The following ARB2A variants were observed in gnomAD, a reference collection of about 807,000 sequenced individuals.
The protein encoded by ARB2A is ARB2 cotranscriptional regulator A.
At chr5:93,854,889 A>G in the ARB2A span, among the ~76,000 whole-genome samples, 1 of 152,124 alleles carries the variant, frequency 6.6e-6, no homozygotes, top group African/African-American at 2.4e-5. Flanking sequence ...TATGTGGTCA[A>G]TTTTGGAATA....
At chr5:94,032,241 A>G in the ARB2A span, among the ~76,000 whole-genome samples, 2 of 152,204 alleles carry the variant, frequency 1.3e-5, no homozygotes, top group Non-Finnish European at 2.9e-5. Context: ...TAATTGGCTC[A>G]TGGTTCTTCA....
At chr5:93,634,348 C>T in the ARB2A span, among the ~76,000 whole-genome samples, 1 of 151,090 alleles carries the variant, frequency 6.6e-6, no homozygotes, top group African/African-American at 2.4e-5. Context: ...TGCAGTGAGC[C>T]GAGATCGCGC....
the ARB2A span, among the ~76,000 whole-genome samples, chr5:93,830,299 A>ATATGTGTGTGTGTGTG: frequency 3.3e-4 from 13 of 39,662 alleles, no homozygotes; most frequent in African/African-American, 1.1e-3. Context: ...ATGTATATAT[A>ATATGTGTGTGTGTGTG]TGTGTGTGTG....
the ARB2A span, among the ~76,000 whole-genome samples, chr5:93,730,693 T>TA: frequency 1.1e-4 from 16 of 152,158 alleles, no homozygotes; most frequent in African/African-American, 3.9e-4. Flanking sequence ...TTGATAAACT[T>TA]AGTGGCTGAC....
the ARB2A span, among the ~76,000 whole-genome samples, chr5:93,886,486 T>C: frequency 6.6e-6 from 1 of 151,700 alleles, no homozygotes; most frequent in African/African-American, 2.4e-5. Context: ...GCTTTATCTA[T>C]AAACGACATT....
At chr5:93,881,711 A>G in the ARB2A span, 1 of 1,434,226 alleles carries the variant, frequency 7.0e-7, no homozygotes, top group Non-Finnish European at 9.3e-7. Flanking sequence ...GAAAGAAGGT[A>G]GCATAATTTA....
chr5:93,880,883 G>T, the ARB2A span, among the ~76,000 whole-genome samples: 1 of 151,560 alleles, frequency 6.6e-6, no homozygotes, highest in Admixed American at 6.6e-5. Flanking sequence ...CACTATTTTG[G>T]CTTAAGTATT....
chr5:93,982,433 C>CAAAT, the ARB2A span, among the ~76,000 whole-genome samples: 1 of 152,122 alleles, frequency 6.6e-6, no homozygotes, highest in Admixed American at 6.5e-5. Flanking sequence ...CACAGACACA[C>CAAAT]AAATATATTT....
chr5:93,706,472 T>C, the ARB2A span, among the ~76,000 whole-genome samples: 1 of 152,158 alleles, frequency 6.6e-6, no homozygotes, highest in Non-Finnish European at 1.5e-5. Context: ...AATTAAACAG[T>C]GGTGATGGCT....
At chr5:93,835,787 T>G in the ARB2A span, among the ~76,000 whole-genome samples, 1 of 152,194 alleles carries the variant, frequency 6.6e-6, no homozygotes, top group African/African-American at 2.4e-5. Context: ...GCCATTGATT[T>G]GCTATTTACA....
At chr5:94,040,972 C>T in the ARB2A span, among the ~76,000 whole-genome samples, 2 of 152,110 alleles carry the variant, frequency 1.3e-5, no homozygotes, top group African/African-American at 4.8e-5. Context: ...GCCCCCAGGG[C>T]TGTGGTGCAG....
chr5:93,738,904 G>C, the ARB2A span: 2 of 152,162 alleles, frequency 1.3e-5, no homozygotes, highest in Non-Finnish European at 2.9e-5. Flanking sequence ...TAATGTCACT[G>C]AATTTACACT....
chr5:93,726,596 T>C, the ARB2A span, among the ~76,000 whole-genome samples: 1 of 152,134 alleles, frequency 6.6e-6, no homozygotes, highest in East Asian at 1.9e-4. Flanking sequence ...ATGACAGAGT[T>C]TGAGTCCCAG....
At chr5:93,627,256 T>G in the ARB2A span, among the ~76,000 whole-genome samples, 1 of 152,140 alleles carries the variant, frequency 6.6e-6, no homozygotes, top group Non-Finnish European at 1.5e-5. Context: ...CATCCATGAG[T>G]GCTGGAATCA....
the ARB2A span, among the ~76,000 whole-genome samples, chr5:94,047,419 G>T: frequency 2.0e-5 from 3 of 151,534 alleles, no homozygotes; most frequent in African/African-American, 7.3e-5. Context: ...TTGAACCCAG[G>T]AAGTGGAGGT....
chr5:93,980,126 C>A, the ARB2A span, among the ~76,000 whole-genome samples: 7 of 152,158 alleles, frequency 4.6e-5, no homozygotes, highest in Non-Finnish European at 1.5e-5. Flanking sequence ...TTCTTAGTTG[C>A]ATCCCACTTT....
At chr5:93,889,404 T>C in the ARB2A span, among the ~76,000 whole-genome samples, 1 of 151,902 alleles carries the variant, frequency 6.6e-6, no homozygotes, top group Non-Finnish European at 1.5e-5. Context: ...TGAGTATAGC[T>C]ATGAATTTCT....
the ARB2A span, among the ~76,000 whole-genome samples, chr5:93,809,334 C>A: frequency 8.8e-3 from 1,331 of 152,098 alleles, 21 homozygotes; most frequent in African/African-American, 0.03. Flanking sequence ...CAATGACATG[C>A]AGTTTACCCA....
chr5:93,899,467 A>AT, the ARB2A span, among the ~76,000 whole-genome samples: 1 of 152,134 alleles, frequency 6.6e-6, no homozygotes, highest in Non-Finnish European at 1.5e-5. Context: ...CTTAAAAAAA[A>AT]TTTTGATTAT....
Sources: gnomAD v4.1 joint callset for allele counts (sites outside exome capture counted in the v4.1 genomes callset) on GRCh38, gnomAD v4.1.1 for gene constraint, MANE v1.5 for transcripts, NCBI Gene and HGNC (gene_info 2026-07-23, HGNC 2026-07-21) for gene names.